PADI3: variants seen among roughly 807,000 people sequenced by gnomAD.
The protein encoded by PADI3 is protein-arginine deiminase type-3.
PADI3 carries 53 observed loss-of-function variants against 71.5 expected under a neutral mutation model. The ratio of observed to expected loss-of-function variants is 0.74; its 90% confidence interval spans 0.59 to 0.93. The LOEUF is 0.93. Ranked by LOEUF, PADI3 falls within the 40% of genes least tolerant of loss-of-function variation. The pLI, the probability that PADI3 is intolerant of heterozygous loss-of-function variation, is 0.00. For synonymous variants in PADI3, 361 were observed against 347.5 expected, an observed-to-expected ratio of 1.04 and a Z score of -0.43; for missense variants, 821 against 868.0, an observed-to-expected ratio of 0.95 and a Z score of 0.68.
At chr1:17,265,624 C>T in intron 3 of PADI3, 35 bp from the exon 4 acceptor site, 1 of 1,604,034 alleles carries the variant, frequency 6.2e-7, no homozygotes, top group Non-Finnish European at 8.5e-7. Flanking sequence ...CTCCTGGGAA[C>T]CTTGTAGTGA....
Position 17,266,782 on chromosome 1 carries a change from G to A in PADI3, c.472G>A (p.Asp158Asn). 1 of 1,614,152 alleles carries A rather than the reference G, an allele frequency of 6.2e-7. No homozygotes were observed. Among genetic ancestry groups the A allele is most frequent in the South Asian group, 1.1e-5 (1 of 91,084 alleles). The change falls in exon 5 of 16, where the codon GAT (aspartate) becomes AAT (asparagine). Residue 158 changes from aspartate to asparagine, a missense_variant. Asp to Asn is a conservative substitution (Grantham distance 23). Transcript: ENST00000375460. ...CTTGCTGGTGAACTGTGACCGTGATGATCCGAGCTGTGATGTCCAGGACAA... is the reference window on the plus strand; with the variant it reads ...CTTGCTGGTGAACTGTGACCGTGATAATCCGAGCTGTGATGTCCAGGACAA... ...GILLVNCDRD[D>N]PSCDVQDNCD...
At chr1:17,255,800 TCTC>T (rs1409239649) in intron 1 of PADI3, among the ~76,000 whole-genome samples, 9 of 152,094 alleles carry the variant, frequency 5.9e-5, no homozygotes, top group African/African-American at 9.7e-5. Context: ...CCTTTCATCT[TCTC>T]CTCATCCCCA....
At position 17,265,246 on chromosome 1, in the gene PADI3, G is replaced by A. The variant is rs1215380350; in HGVS notation, c.347-413G>A. On this transcript the variant is annotated intron_variant, in intron 3 of 15. Transcript: ENST00000375460. ...GCGAGTAGCTCAGAAAGGACACACA[G>A]CCAGGAGGCGGCAGAACCTGGGTTT... Among the ~76,000 whole-genome samples, 3 of 152,106 alleles carry A rather than the reference G, an allele frequency of 2.0e-5. No homozygotes were observed. The East Asian group carries it at 5.8e-4, about 29-fold the overall frequency.
At chr1:17,265,816 G>A in intron 4 of PADI3, 96 bp downstream of exon 4, 3 of 1,087,062 alleles carry the variant, frequency 2.8e-6, no homozygotes, top group Non-Finnish European at 2.8e-6. Flanking sequence ...ATATCCCCCT[G>A]CCTCCCAGCT....
chr1:17,251,476 T>C lies in PADI3; in HGVS notation c.92+2247T>C, dbSNP rs142835930. On this transcript the variant is annotated intron_variant, in intron 1 of 15. Transcript: ENST00000375460. The stretch of plus-strand genomic sequence containing the variant: ...ACCTGTTGCCTGGGGATGATAATAA[T>C]ATCAGCAATGGCACTGAATGCCACT... Among the ~76,000 whole-genome samples, 1,039 of 152,308 alleles carry C rather than the reference T, an allele frequency of 6.8e-3. 7 individuals carry two copies. Among genetic ancestry groups the C allele is most frequent in the Non-Finnish European group, 0.011 (751 of 68,024 alleles).
intron 13 of PADI3, among the ~76,000 whole-genome samples, chr1:17,278,312 C>T (rs1218783285): frequency 2.6e-5 from 4 of 152,178 alleles, no homozygotes; most frequent in Admixed American, 6.5e-5. Flanking sequence ...ACTGCAGCCT[C>T]GACCTCCCAG....
At chr1:17,266,983 C>A in intron 5 of PADI3, 147 bp downstream of exon 5, 1 of 658,198 alleles carries the variant, frequency 1.5e-6, no homozygotes, top group East Asian at 2.6e-5. Context: ...CCTCAAAACC[C>A]ATCTCAGGCT....
intron 13 of PADI3, among the ~76,000 whole-genome samples, chr1:17,278,628 G>A (rs1325773893): frequency 6.6e-6 from 1 of 152,090 alleles, no homozygotes; most frequent in Non-Finnish European, 1.5e-5. Context: ...CTTGCTGGAA[G>A]CGTTCTCAAA....
chr1:17,276,581 C>G lies in PADI3; in HGVS notation c.1370C>G (p.Pro457Arg). The change falls in exon 12 of 16, where the codon CCC becomes CGC. Residue 457 changes from proline to arginine, a missense_variant. Physicochemically the swap from Pro to Arg is moderately radical, Grantham distance 103. Coordinates refer to ENST00000375460, the MANE Select transcript of PADI3 (RefSeq NM_016233.2). ...TTCCTCCATGCCCAGAAGGTGCAGC[C>G]CCCCGTGGAGCTCTTTGTGGACTGG... The part of the protein sequence containing the change: ...RDFLHAQKVQ[P>R]PVELFVDWLA... The G allele has an allele frequency of 6.2e-7, 1 of 1,614,128 alleles. No individual in the cohort carries two copies. The highest frequency in any genetic ancestry group is 8.5e-7 in the Non-Finnish European group (1 of 1,180,032).
chr1:17,251,364 G>A (rs185266071), intron 1 of PADI3, among the ~76,000 whole-genome samples: 3 of 152,292 alleles, frequency 2.0e-5, no homozygotes, highest in Non-Finnish European at 2.9e-5. Context: ...AAGGGCAGTA[G>A]GTGTTGTGGC....
At chr1:17,280,899 C>A in intron 15 of PADI3, 103 bp downstream of exon 15, 1 of 1,422,510 alleles carries the variant, frequency 7.0e-7, no homozygotes, top group Non-Finnish European at 9.6e-7. Flanking sequence ...ATTGTGGTGG[C>A]CAGTGGGGGT....
rs1320220688 is a variant in PADI3, at chr1:17,273,409, A to C, written c.1117A>C (p.Asn373His). Reference protein sequence around the residue: ...TLPVVFDSPRNGELQDFPYKR... With the variant: ...TLPVVFDSPRHGELQDFPYKR... ...CCCGGTGGTCTTTGACTCCCCAAGG[A>C]ATGGGGAACTGCAGGATTTCCCTTA... Residue 373 changes from asparagine to histidine, a missense_variant, in exon 10 of 16, where the codon AAT (asparagine) becomes CAT (histidine). By Grantham distance (68) the Asn-to-His change is moderately conservative. Coordinates refer to ENST00000375460, the MANE Select transcript of PADI3 (RefSeq NM_016233.2). 2.0e-5 allele frequency: 32 copies of C among 1,613,102 alleles called. No homozygotes were observed. The highest frequency in any genetic ancestry group is 2.6e-5 in the Non-Finnish European group (31 of 1,179,404).
intron 1 of PADI3, among the ~76,000 whole-genome samples, chr1:17,251,021 G>A (rs2100551771): frequency 6.6e-6 from 1 of 152,338 alleles, no homozygotes; most frequent in South Asian, 2.1e-4. Flanking sequence ...GGGATTCTTG[G>A]GCCCTGGTGG....
At chr1:17,268,498 C>CTTTTTTTTTTTTTTTTTTTTTTT (rs564947321) in intron 6 of PADI3, among the ~76,000 whole-genome samples, 1 of 89,446 alleles carries the variant, frequency 1.1e-5, no homozygotes, top group African/African-American at 4.7e-5. Flanking sequence ...TAATAAGATG[C>CTTTTTTTTTTTTTTTTTTTTTTT]TTTTTTTTTT....
At chr1:17,264,045 T>C (rs1384953787) in intron 3 of PADI3, among the ~76,000 whole-genome samples, 1 of 152,230 alleles carries the variant, frequency 6.6e-6, no homozygotes, top group Admixed American at 6.5e-5. Flanking sequence ...ATCTATATTT[T>C]TTAACTTGAT....
Position 17,264,581 on chromosome 1 carries a change from C to T in PADI3, c.347-1078C>T, listed in dbSNP as rs373909207. Among the ~76,000 whole-genome samples, 13 of 152,288 alleles carry T rather than the reference C, an allele frequency of 8.5e-5. No homozygotes were observed. In the South Asian group the frequency reaches 2.3e-3, roughly 27 times the overall value. ...ACGCAATACCCAAATAACATGGTCT[C>T]ATTTTATCATCTGATTTTCTGTGGA... On this transcript the variant is annotated intron_variant, in intron 3 of 15. Transcript: ENST00000375460.
rs141891070 is a variant in PADI3 at position 17,280,777 on chromosome 1, C to T, written c.1742C>T (p.Thr581Met). The T allele has an allele frequency of 2.5e-5, 40 of 1,613,984 alleles. No individual in the cohort carries two copies. The highest frequency in any genetic ancestry group is 8.0e-5 in the African/African-American group (6 of 74,932). Reference sequence around the variant, plus strand: ...TTCAAGACCGAGAGGAAAAAAGCAACGGCCTTCTTCCCTGACTTGGTGAGG... The same window carrying T: ...TTCAAGACCGAGAGGAAAAAAGCAATGGCCTTCTTCCCTGACTTGGTGAGG... ...QLFKTERKKA[T>M]AFFPDLVNML... The change falls in exon 15 of 16, where the codon ACG (threonine) becomes ATG (methionine). Residue 581 changes from threonine (T) to methionine (M), a missense_variant. Coordinates refer to ENST00000375460, the MANE Select transcript of PADI3 (RefSeq NM_016233.2).
Position 17,271,055 on chromosome 1 carries a change from G to A in PADI3, c.936-12G>A, listed in dbSNP as rs775402350. 1.2e-6 allele frequency: 2 copies of A among 1,614,062 alleles called. No homozygotes were observed. The highest frequency in any genetic ancestry group is 1.1e-5 in the South Asian group (1 of 91,090). On this transcript the variant is annotated splice_polypyrimidine_tract_variant and intron_variant, in intron 8 of 15. Coordinates refer to ENST00000375460, the MANE Select transcript of PADI3 (RefSeq NM_016233.2). ...TCCATCCTGAGCCCCTCTTCCCTGGGCTTGTCCGTAGTGTGAGGAACAACA... is the reference window on the plus strand; with the variant it reads ...TCCATCCTGAGCCCCTCTTCCCTGGACTTGTCCGTAGTGTGAGGAACAACA...
At chr1:17,252,162 T>C (rs2072973610) in intron 1 of PADI3, among the ~76,000 whole-genome samples, 1 of 152,140 alleles carries the variant, frequency 6.6e-6, no homozygotes, top group African/African-American at 2.4e-5. Flanking sequence ...CACTGAGCCA[T>C]GCACTGGGCG....
Sources: gnomAD v4.1 joint callset for allele counts (sites outside exome capture counted in the v4.1 genomes callset) on GRCh38, gnomAD v4.1.1 for gene constraint, MANE v1.5 for transcripts, NCBI Gene and HGNC (gene_info 2026-07-23, HGNC 2026-07-21) for gene names.